CPNE4: variants seen among roughly 807,000 people sequenced by gnomAD.
CPNE4 encodes copine 4.
Under a neutral mutation model 67.9 loss-of-function variants are expected in CPNE4, and 25 were observed. The ratio of observed to expected loss-of-function variants is 0.37; its 90% CI spans 0.27 to 0.51. The LOEUF (loss-of-function observed/expected upper bound fraction) is 0.51, where lower values mean the gene tolerates loss of function less well. CPNE4 is among the 20% of genes least tolerant of loss of function. The probability of loss-of-function intolerance (pLI) is 0.93; values close to 1 mark genes in which losing one functional copy is unlikely to be tolerated. For missense variants in CPNE4, 464 were observed against 690.8 expected, an observed-to-expected ratio of 0.67 and a Z score of 3.68; for synonymous variants, 242 against 244.9, an observed-to-expected ratio of 0.99 and a Z score of 0.11.
chr3:131,944,690 G>A lies in CPNE4; in HGVS notation c.-1-39246C>T, dbSNP rs562684851. Among the ~76,000 whole-genome samples the A allele has an allele frequency of 3.0e-5, 4 of 134,704 alleles. No individual in the cohort carries two copies. In the East Asian group the frequency reaches 6.1e-4, roughly 20 times the overall value. 88.4% of individuals were successfully genotyped at this position (134,704 alleles called of 152,430 possible). ...GGTGGGTTTGTGTAGTGGAAGTGGC[G>A]AGATTTAAATAAAATCAATTTACAT... On this transcript the variant is annotated intron_variant, in intron 1 of 15. Transcript: ENST00000429747.
At chr3:132,018,283 C>T (rs2073927769) in intron 1 of CPNE4, among the ~76,000 whole-genome samples, 1 of 152,116 alleles carries the variant, frequency 6.6e-6, no homozygotes, top group African/African-American at 2.4e-5. Context: ...CAGATGCACA[C>T]AATTATGTGG....
intron 3 of CPNE4, among the ~76,000 whole-genome samples, chr3:131,701,951 C>G (rs553707564): frequency 2.0e-5 from 3 of 152,088 alleles, no homozygotes; most frequent in East Asian, 3.9e-4. Flanking sequence ...CACAGAAAGA[C>G]AGGAAAGGAG....
At chr3:131,726,485 C>A (rs1301915517) in intron 2 of CPNE4, among the ~76,000 whole-genome samples, 1 of 152,136 alleles carries the variant, frequency 6.6e-6, no homozygotes, top group East Asian at 1.9e-4. Flanking sequence ...AGGAAAATGA[C>A]AATAAGCGAA....
intron 1 of CPNE4, among the ~76,000 whole-genome samples, chr3:131,995,516 C>T (rs543479890): frequency 3.9e-5 from 6 of 152,236 alleles, no homozygotes; most frequent in African/African-American, 9.6e-5. Context: ...TGTACTTACT[C>T]GGCCACTACC....
At chr3:131,764,894 A>AAG (rs1012289853) in intron 2 of CPNE4, among the ~76,000 whole-genome samples, 49 of 152,222 alleles carry the variant, frequency 3.2e-4, no homozygotes, top group African/African-American at 1.1e-3. Context: ...TTGTTTAACA[A>AAG]AGACCTCCTG....
intron 2 of CPNE4, among the ~76,000 whole-genome samples, chr3:131,781,372 G>C (rs1245367391): frequency 6.6e-6 from 1 of 152,034 alleles, no homozygotes; most frequent in African/African-American, 2.4e-5. Context: ...CATAAATCTG[G>C]CCCCCATCTT....
intron 2 of CPNE4, among the ~76,000 whole-genome samples, chr3:131,886,430 C>T (rs2087897312): frequency 6.6e-6 from 1 of 152,222 alleles, no homozygotes; most frequent in Non-Finnish European, 1.5e-5. Flanking sequence ...TCATGGGGAA[C>T]CTTTGCTAGG....
intron 2 of CPNE4, among the ~76,000 whole-genome samples, chr3:131,766,513 G>A (rs1424434221): frequency 1.3e-5 from 2 of 151,952 alleles, no homozygotes; most frequent in South Asian, 2.1e-4. Flanking sequence ...GCCAATTTCC[G>A]GCTACCAATT....
chr3:131,564,075 AG>A (rs1404446842), intron 11 of CPNE4, 140 bp downstream of exon 11: 2 of 943,184 alleles, frequency 2.1e-6, no homozygotes, highest in South Asian at 1.4e-5. Context: ...TAGTTTTTCT[AG>A]TACAGAGGGA....
chr3:131,627,193 CA>C (rs57977015), intron 7 of CPNE4, among the ~76,000 whole-genome samples: 132 of 68,380 alleles, frequency 1.9e-3, no homozygotes, highest in Admixed American at 2.9e-3. Flanking sequence ...GACTCCATCT[CA>C]AAAAAAAAAA....
intron 2 of CPNE4, among the ~76,000 whole-genome samples, chr3:131,836,387 C>G (rs781482521): frequency 6.6e-6 from 1 of 152,074 alleles, no homozygotes; most frequent in Non-Finnish European, 1.5e-5. Flanking sequence ...AGCAGAAAAG[C>G]CTTTGATAAA....
intron 4 of CPNE4, among the ~76,000 whole-genome samples, chr3:131,699,589 C>T (rs527391057): frequency 1.7e-4 from 26 of 152,274 alleles, no homozygotes; most frequent in Non-Finnish European, 3.2e-4. Context: ...TAGACAATTC[C>T]GTAATCTCAC....
At chr3:131,544,605 G>C (rs929955472) in intron 14 of CPNE4, among the ~76,000 whole-genome samples, 4 of 152,174 alleles carry the variant, frequency 2.6e-5, no homozygotes, top group African/African-American at 9.7e-5. Context: ...AAGTTGGCTT[G>C]AGAGTTTAGA....
At chr3:131,643,710 C>T (rs945719697) in intron 7 of CPNE4, among the ~76,000 whole-genome samples, 1 of 152,104 alleles carries the variant, frequency 6.6e-6, no homozygotes, top group Non-Finnish European at 1.5e-5. Context: ...TGGGAGGGAC[C>T]TGGTGGGAGA....
At chr3:131,575,206 G>A (rs1937521928) in intron 9 of CPNE4, 76 bp from the exon 10 acceptor site, 1 of 1,271,230 alleles carries the variant, frequency 7.9e-7, no homozygotes, top group Non-Finnish European at 1.1e-6. Flanking sequence ...CCTAAAGGTT[G>A]GTGACTGATA....
intron 7 of CPNE4, among the ~76,000 whole-genome samples, chr3:131,667,826 C>G (rs997970048): frequency 6.6e-6 from 1 of 152,064 alleles, no homozygotes; most frequent in Non-Finnish European, 1.5e-5. Flanking sequence ...CTTTTATCCT[C>G]CTCATAAAAA....
At chr3:131,844,514 T>A (rs2085920622) in intron 2 of CPNE4, among the ~76,000 whole-genome samples, 1 of 152,110 alleles carries the variant, frequency 6.6e-6, no homozygotes, top group Admixed American at 6.5e-5. Context: ...ATGATCTGCC[T>A]GCCTCGGCCT....
chr3:131,632,380 A>G (rs2079253098), intron 7 of CPNE4, among the ~76,000 whole-genome samples: 1 of 152,102 alleles, frequency 6.6e-6, no homozygotes, highest in Non-Finnish European at 1.5e-5. Context: ...GGAGGAAACT[A>G]AAACTCAGAG....
chr3:131,646,095 A>G (rs1439320158), intron 7 of CPNE4, among the ~76,000 whole-genome samples: 1 of 152,214 alleles, frequency 6.6e-6, no homozygotes, highest in East Asian at 1.9e-4. Context: ...GACAAACTAT[A>G]CACAAACAGA....
Sources: allele counts gnomAD v4.1 joint callset (sites outside exome capture counted in the v4.1 genomes callset), GRCh38; gene constraint gnomAD v4.1.1; transcripts MANE v1.5; gene names NCBI Gene and HGNC (gene_info 2026-07-23, HGNC 2026-07-21).